Variants in TCN2 observed in about 807,000 individuals in gnomAD.
TCN2 encodes transcobalamin 2.
TCN2 carries 34 observed loss-of-function variants against 48.6 expected under a neutral mutation model. That is an observed-to-expected ratio of 0.70 (90% CI 0.53 to 0.93). The LOEUF (loss-of-function observed/expected upper bound fraction) is 0.93, where lower values mean the gene tolerates loss of function less well. Ranked by LOEUF, TCN2 falls within the 40% of genes least tolerant of loss-of-function variation. The pLI, the probability that TCN2 is intolerant of heterozygous loss-of-function variation, is 0.00. For missense variants in TCN2, 652 were observed against 526.1 expected (o/e 1.24, Z -2.34); for synonymous variants, 283 against 212.5 (o/e 1.33, Z -2.89).
At chr22:30,607,585 G>A (rs1419968558) in intron 1 of TCN2, among the ~76,000 whole-genome samples, 190 bp downstream of exon 1, 2 of 152,178 alleles carry the variant, frequency 1.3e-5, no homozygotes, top group African/African-American at 4.8e-5. Flanking sequence ...CAAGATCTCC[G>A]TTAATTCAGT....
rs759671133 is a variant in TCN2 at position 30,612,960 on chromosome 22, CTG to C, written c.348_349del (p.Cys116Ter). The C allele has an allele frequency of 1.4e-5, 23 of 1,614,206 alleles. No homozygotes were observed. The highest frequency in any genetic ancestry group is 1.9e-5 in the Non-Finnish European group (23 of 1,180,052). ...TCTACCTGCTCGCTCTCAGAGCCAA[CTG>C]TGAGTTTGTCAGGGGCCACAAGGGG... is the stretch of plus-strand genomic sequence containing the variant. ...ALYLLALRANCEFVRGHKGDR... is the reference protein window; with the variant it reads ...ALYLLALRANXEFVRGHKGDR... On this transcript the variant is annotated frameshift_variant, in exon 3 of 9. Coordinates refer to ENST00000215838, the MANE Select transcript of TCN2 (RefSeq NM_000355.4). LOFTEE classifies it high-confidence loss of function.
chr22:30,621,335 A>G (rs4820888), intron 7 of TCN2, among the ~76,000 whole-genome samples: 64,542 of 151,852 alleles, frequency 0.43, 13,925 homozygotes, highest in Non-Finnish European at 0.46. Flanking sequence ...GACTGCAACC[A>G]TCGATAACTT....
At chr22:30,617,946 G>C (rs908296445) in intron 7 of TCN2, among the ~76,000 whole-genome samples, 2 of 152,054 alleles carry the variant, frequency 1.3e-5, no homozygotes, top group Admixed American at 1.3e-4. Flanking sequence ...TTGTTTGTTT[G>C]TTTGTTTTTA....
chr22:30,613,384 A>G (rs1398567109), intron 3 of TCN2, among the ~76,000 whole-genome samples: 3 of 152,024 alleles, frequency 2.0e-5, no homozygotes, highest in Non-Finnish European at 4.4e-5. Flanking sequence ...GGTTCAAGCA[A>G]TTCTCCTGCC....
chr22:30,608,850 T>C (rs569655888), intron 1 of TCN2, among the ~76,000 whole-genome samples: 1 of 152,324 alleles, frequency 6.6e-6, no homozygotes, highest in African/African-American at 2.4e-5. Flanking sequence ...TCCTCAGCCT[T>C]GGACAGTTAG....
At chr22:30,619,988 C>T (rs1436150436) in intron 7 of TCN2, among the ~76,000 whole-genome samples, 2 of 152,068 alleles carry the variant, frequency 1.3e-5, no homozygotes, top group Admixed American at 6.6e-5. Flanking sequence ...ACTGCCATCT[C>T]TTCAAAAAAA....
intron 8 of TCN2, chr22:30,623,336 G>A (rs373830454): frequency 2.0e-6 from 1 of 488,764 alleles, no homozygotes; most frequent in South Asian, 2.3e-5. Flanking sequence ...ACATCACCTA[G>A]GATATACTAC....
At chr22:30,613,063 G>T in intron 3 of TCN2, 21 bp downstream of exon 3, 2 of 1,613,094 alleles carry the variant, frequency 1.2e-6, no homozygotes, top group South Asian at 1.1e-5. Flanking sequence ...ACCATCCGCT[G>T]GGGGTGGGGA....
At chr22:30,620,295 C>CA (rs754698873) in intron 7 of TCN2, among the ~76,000 whole-genome samples, 3 of 152,014 alleles carry the variant, frequency 2.0e-5, no homozygotes, top group African/African-American at 4.8e-5. Context: ...CTACCACACA[C>CA]AAAAAAAGTC....
chr22:30,611,618 G>A (rs1196786513), intron 2 of TCN2, among the ~76,000 whole-genome samples: 5 of 152,144 alleles, frequency 3.3e-5, no homozygotes, highest in African/African-American at 9.7e-5. Flanking sequence ...AGTGATTCTC[G>A]TGCCTCAGCC....
intron 8 of TCN2, among the ~76,000 whole-genome samples, chr22:30,624,080 A>AT (rs201040176): frequency 2.2e-4 from 9 of 41,348 alleles, no homozygotes; most frequent in South Asian, 4.6e-4. Flanking sequence ...ATATATATAT[A>AT]TTTTTTTTTT....
At chr22:30,621,332 A>G (rs72550762) in intron 7 of TCN2, among the ~76,000 whole-genome samples, 1 of 152,086 alleles carries the variant, frequency 6.6e-6, no homozygotes, top group Non-Finnish European at 1.5e-5. Context: ...TAAGACTGCA[A>G]CCATCGATAA....
chr22:30,614,186 C>T (rs1028923907), intron 3 of TCN2, among the ~76,000 whole-genome samples, 163 bp from the exon 4 acceptor site: 6 of 152,182 alleles, frequency 3.9e-5, no homozygotes, highest in African/African-American at 9.7e-5. Context: ...GTGCCTGACA[C>T]ACAGTGAGAC....
intron 7 of TCN2, among the ~76,000 whole-genome samples, chr22:30,620,478 C>T (rs1450878807): frequency 6.6e-6 from 1 of 152,226 alleles, no homozygotes; most frequent in Admixed American, 6.5e-5. Context: ...CCTGGCCTGG[C>T]TCAGCCACTT....
intron 8 of TCN2, among the ~76,000 whole-genome samples, chr22:30,623,803 T>TAC (rs370001606): frequency 3.2e-5 from 2 of 61,598 alleles, no homozygotes; most frequent in Non-Finnish European, 5.3e-5. Context: ...TATACACACA[T>TAC]ACACATATAT....
intron 1 of TCN2, chr22:30,610,447 C>T (rs1246855958): frequency 1.3e-5 from 5 of 377,774 alleles, no homozygotes; most frequent in Non-Finnish European, 5.2e-6. Context: ...GCTCTGCAGC[C>T]TTGTGTAAGA....
At chr22:30,614,637 T>G in intron 4 of TCN2, 136 bp downstream of exon 4, 2 of 1,310,292 alleles carry the variant, frequency 1.5e-6, no homozygotes, top group Non-Finnish European at 2.1e-6. Flanking sequence ...TAGGGACGAA[T>G]TGGCGAGGGC....
intron 7 of TCN2, among the ~76,000 whole-genome samples, chr22:30,620,849 C>T (rs1375487354): frequency 6.6e-6 from 1 of 152,198 alleles, no homozygotes; most frequent in Non-Finnish European, 1.5e-5. Context: ...AGCTCAACTG[C>T]AGACACAGAT....
Position 30,626,922 on chromosome 22 carries a change from GC to G in TCN2, c.*404del, listed in dbSNP as rs2087819752. On this transcript the variant is annotated 3_prime_UTR_variant, in exon 9 of 9. Transcript: ENST00000215838. ...AGGCCTCCTCAGCCCGGGGGCTATG[GC>G]CCTGACCCCAGCTCTCCACTCTGCT... 3.1e-6 allele frequency: 1 copy of G among 326,620 alleles called. No homozygotes were observed. The highest frequency in any genetic ancestry group is 4.1e-5 in the Admixed American group (1 of 24,526). 20.2% of individuals were successfully genotyped at this position (326,620 alleles called of 1,614,324 possible).
Sources: gnomAD v4.1 joint callset for allele counts (sites outside exome capture counted in the v4.1 genomes callset) on GRCh38, gnomAD v4.1.1 for gene constraint, MANE v1.5 for transcripts, NCBI Gene and HGNC (gene_info 2026-07-23, HGNC 2026-07-21) for gene names.